The following TENM4 variants were observed in gnomAD, a reference collection of about 807,000 sequenced individuals.
TENM4 encodes teneurin transmembrane protein 4.
TENM4 carries 82 observed loss-of-function variants against 243.3 expected under a neutral mutation model. The ratio of observed to expected loss-of-function variants is 0.34; its 90% confidence interval spans 0.28 to 0.40. TENM4 has a LOEUF of 0.40. Ranked by LOEUF, TENM4 falls within the 10% of genes least tolerant of loss-of-function variation. The pLI, the probability that TENM4 is intolerant of heterozygous loss-of-function variation, is 1.00. For missense variants in TENM4, 3,138 were observed against 3,673.3 expected, an observed-to-expected ratio of 0.85 and a Z score of 3.77; for synonymous variants, 1,412 against 1,456.3, an observed-to-expected ratio of 0.97 and a Z score of 0.69.
At chr11:79,043,710 T>C (rs1218148195) in intron 6 of TENM4, among the ~76,000 whole-genome samples, 1 of 152,182 alleles carries the variant, frequency 6.6e-6, no homozygotes, top group Non-Finnish European at 1.5e-5. Context: ...AAACATCTGA[T>C]GAATGAATGA....
chr11:79,276,958 A>T (rs2135355819), intron 2 of TENM4, among the ~76,000 whole-genome samples: 1 of 152,110 alleles, frequency 6.6e-6, no homozygotes, highest in South Asian at 2.1e-4. Flanking sequence ...TAGATTCCAA[A>T]TATAGGTACA....
In TENM4 at chr11:79,345,072, A is replaced by G. The variant is rs368607177; in HGVS notation, c.-320-47529T>C. Among the ~76,000 whole-genome samples the G allele has an allele frequency of 3.3e-5, 5 of 152,332 alleles. No individual in the cohort carries two copies. The East Asian group carries it at 7.7e-4, about 24-fold the overall frequency. On this transcript the variant is annotated intron_variant, in intron 1 of 33. Transcript: ENST00000278550. ...GTAATTACTGTTCTAACTGCAGCTC[A>G]CTTGCAATGCATCAGGTTAATGTTA...
At chr11:79,063,542 C>G (rs1457431171) in intron 6 of TENM4, among the ~76,000 whole-genome samples, 1 of 152,226 alleles carries the variant, frequency 6.6e-6, no homozygotes, top group Non-Finnish European at 1.5e-5. Flanking sequence ...GGCTCTGCCA[C>G]TCTTTCCTTT....
intron 1 of TENM4, among the ~76,000 whole-genome samples, chr11:79,318,759 A>G (rs561434793): frequency 1.6e-4 from 24 of 152,352 alleles, no homozygotes; most frequent in African/African-American, 5.8e-4. Context: ...AATTTATGCA[A>G]CTTAATTTTT....
At chr11:79,010,090 G>A (rs1858603427) in intron 6 of TENM4, among the ~76,000 whole-genome samples, 1 of 152,110 alleles carries the variant, frequency 6.6e-6, no homozygotes. Context: ...CAGCCATATG[G>A]AACTGTGAGT....
chr11:79,127,698 G>A (rs1861911087), intron 4 of TENM4, among the ~76,000 whole-genome samples: 1 of 152,192 alleles, frequency 6.6e-6, no homozygotes, highest in South Asian at 2.1e-4. Flanking sequence ...CCATTACATT[G>A]ATGACCTTAT....
At chr11:78,874,102 C>T (rs1859204804) in intron 9 of TENM4, among the ~76,000 whole-genome samples, 1 of 152,066 alleles carries the variant, frequency 6.6e-6, no homozygotes, top group Non-Finnish European at 1.5e-5. Context: ...CCTGTGCTTC[C>T]TGTCCCTTGC....
chr11:79,081,743 A>G (rs1022295120), intron 4 of TENM4, among the ~76,000 whole-genome samples: 1 of 152,030 alleles, frequency 6.6e-6, no homozygotes, highest in Non-Finnish European at 1.5e-5. Flanking sequence ...ACAGGTTTCA[A>G]TTTTGCTGGT....
chr11:79,218,230 GCCCA>G (rs1864091451), intron 2 of TENM4, among the ~76,000 whole-genome samples: 1 of 50,688 alleles, frequency 2.0e-5, no homozygotes, highest in Non-Finnish European at 3.9e-5. Context: ...TTTACCCCCT[GCCCA>G]CCCACCCCCG....
intron 6 of TENM4, among the ~76,000 whole-genome samples, chr11:78,907,667 C>T (rs974088417): frequency 2.0e-5 from 3 of 152,150 alleles, no homozygotes; most frequent in African/African-American, 7.2e-5. Flanking sequence ...ATATCCCCAG[C>T]GTCCGCACAG....
At chr11:79,099,294 C>G (rs1861163794) in intron 4 of TENM4, among the ~76,000 whole-genome samples, 1 of 152,150 alleles carries the variant, frequency 6.6e-6, no homozygotes, top group South Asian at 2.1e-4. Context: ...CAGACCCTCT[C>G]TCCTTTGCAG....
At chr11:78,726,001 T>C in intron 23 of TENM4, 78 bp downstream of exon 23, 1 of 1,561,766 alleles carries the variant, frequency 6.4e-7, no homozygotes, top group Non-Finnish European at 8.7e-7. Context: ...ATGTGAATTT[T>C]TTGTTTGGCA....
intron 6 of TENM4, among the ~76,000 whole-genome samples, chr11:79,025,678 C>T (rs890018439): frequency 6.6e-6 from 1 of 152,214 alleles, no homozygotes; most frequent in African/African-American, 2.4e-5. Context: ...CCAAAAGGAT[C>T]TGGCTCCCCA....
chr11:78,711,232 G>A (rs1859389589), intron 26 of TENM4, among the ~76,000 whole-genome samples: 1 of 152,172 alleles, frequency 6.6e-6, no homozygotes, highest in South Asian at 2.1e-4. Context: ...GAGACAATGT[G>A]ACTTGATATG....
At chr11:78,984,415 G>A (rs1284626556) in intron 6 of TENM4, among the ~76,000 whole-genome samples, 1 of 152,194 alleles carries the variant, frequency 6.6e-6, no homozygotes, top group Non-Finnish European at 1.5e-5. Context: ...TCAGTGAGAT[G>A]AGTGTGGATT....
At chr11:78,958,577 C>T (rs997229770) in intron 6 of TENM4, among the ~76,000 whole-genome samples, 4 of 152,368 alleles carry the variant, frequency 2.6e-5, no homozygotes, top group East Asian at 3.9e-4. Context: ...TGATACCCCA[C>T]GGTCCTCTTT....
At chr11:79,387,825 T>C (rs972390651) in intron 1 of TENM4, among the ~76,000 whole-genome samples, 11 of 152,076 alleles carry the variant, frequency 7.2e-5, no homozygotes, top group African/African-American at 2.7e-4. Context: ...GGCAACATGG[T>C]GAAACTCCAT....
rs538507958 is a variant in TENM4, at chr11:78,875,140, C to T, written c.1085-12008G>A. On this transcript the variant is annotated intron_variant, in intron 9 of 33. Coordinates refer to ENST00000278550, the MANE Select transcript of TENM4 (RefSeq NM_001098816.3). ...GCAAACCGCCGCCCCAGTCAGTGCA[C>T]ATGTGCATGGCAGTGCTGGCACAGT... 7.3e-5 allele frequency among the ~76,000 whole-genome samples: 11 copies of T among 151,330 alleles called. No homozygotes were observed. In the South Asian group the frequency reaches 2.3e-3, roughly 31 times the overall value.
intron 1 of TENM4, among the ~76,000 whole-genome samples, chr11:79,407,293 G>C (rs1590944117): frequency 6.6e-6 from 1 of 152,200 alleles, no homozygotes; most frequent in African/African-American, 2.4e-5. Context: ...TAAAACTGAT[G>C]CTGGACGTCT....
Sources: gnomAD v4.1 joint callset for allele counts (sites outside exome capture counted in the v4.1 genomes callset) on GRCh38, gnomAD v4.1.1 for gene constraint, MANE v1.5 for transcripts, NCBI Gene and HGNC (gene_info 2026-07-23, HGNC 2026-07-21) for gene names.